FAM193A: variants seen among roughly 807,000 people sequenced by gnomAD.
FAM193A encodes the protein family with sequence similarity 193 member A, also known as protein FAM193A.
A neutral mutation model predicts 126.5 loss-of-function variants in FAM193A; 22 were observed. That is an observed-to-expected ratio of 0.17 (90% CI 0.12 to 0.25). FAM193A has a LOEUF of 0.25. Among genes scored for constraint, FAM193A ranks in the 10% least tolerant of loss-of-function variants. The pLI is 1.00. For synonymous variants in FAM193A, 761 were observed against 646.8 expected, an observed-to-expected ratio of 1.18 and a Z score of -2.68; for missense variants, 1,675 against 1,672.8, an observed-to-expected ratio of 1.00 and a Z score of -0.02.
chr4:2,643,486 T>G (rs1744841278), intron 6 of FAM193A, among the ~76,000 whole-genome samples: 1 of 152,212 alleles, frequency 6.6e-6, no homozygotes, highest in Non-Finnish European at 1.5e-5. Flanking sequence ...ATATTCATAG[T>G]GTTTATAACC....
rs747376264 is a variant in FAM193A at position 2,657,833 on chromosome 4, A to C, written c.1342A>C (p.Thr448Pro). ...MTMKTKQRMLTEDWELFKQRR... is the reference protein window; with the variant it reads ...MTMKTKQRMLPEDWELFKQRR... ...AATGAAAACCAAGCAGCGCATGTTA[A>C]CAGAAGACTGGGAGCTTTTTAAACA... Residue 448 changes from threonine to proline, a missense_variant, in exon 8 of 21, where the codon ACA (threonine) becomes CCA (proline). Coordinates refer to ENST00000637812, the MANE Select transcript of FAM193A (RefSeq NM_001366318.2). 7.4e-6 allele frequency: 12 copies of C among 1,613,018 alleles called. No individual in the cohort carries two copies. The highest frequency in any genetic ancestry group is 9.3e-6 in the Non-Finnish European group (11 of 1,179,650).
rs3208084 is a variant in FAM193A at position 2,693,667 on chromosome 4, C to T, written c.2885C>T (p.Ala962Val). The stretch of plus-strand genomic sequence containing the variant: ...CCGAGGAATAGCCCCACGGGCTTGG[C>T]CCCCCTCCCAGCGCTCTCGCCTGCT... ...AAPRNSPTGL[A>V]PLPALSPAAL... The change falls in exon 16 of 21, where the codon GCC becomes GTC. Residue 962 changes from alanine to valine, a missense_variant. Around this residue, in one of 4 missense-constraint regions of FAM193A, gnomAD observed 1,186 missense variants for 1,109.2 expected, o/e 1.07. Transcript: ENST00000637812. The T allele has an allele frequency of 6.2e-7, 1 of 1,614,146 alleles. No homozygotes were observed. The highest frequency in any genetic ancestry group is 2.2e-5 in the East Asian group (1 of 44,876).
intron 2 of FAM193A, among the ~76,000 whole-genome samples, chr4:2,596,935 G>A (rs1740898909): frequency 1.3e-5 from 2 of 152,192 alleles, no homozygotes. Context: ...CTGCTTGAAA[G>A]CGGCTAATTA....
chr4:2,710,122 TC>T (rs1327171980), intron 19 of FAM193A, among the ~76,000 whole-genome samples: 1 of 151,584 alleles, frequency 6.6e-6, no homozygotes, highest in Non-Finnish European at 1.5e-5. Flanking sequence ...TTTTTTAAAA[TC>T]ATCTGAGTTT....
At chr4:2,587,236 A>G (rs1740285916) in intron 1 of FAM193A, among the ~76,000 whole-genome samples, 3 of 152,308 alleles carry the variant, frequency 2.0e-5, no homozygotes, top group South Asian at 4.1e-4. Flanking sequence ...TCCAGATGAC[A>G]TGATGAGAGA....
intron 13 of FAM193A, among the ~76,000 whole-genome samples, chr4:2,680,946 C>G (rs1292784759): frequency 2.6e-5 from 4 of 152,130 alleles, no homozygotes; most frequent in African/African-American, 9.7e-5. Context: ...CGAGCCCAGC[C>G]AGTACTTTCT....
chr4:2,595,872 C>T (rs1740830080), intron 1 of FAM193A, among the ~76,000 whole-genome samples: 1 of 152,190 alleles, frequency 6.6e-6, no homozygotes, highest in East Asian at 1.9e-4. Context: ...AATTTTCTAA[C>T]TCGTACTAAG....
chr4:2,638,780 C>T (rs1744334220), intron 5 of FAM193A, among the ~76,000 whole-genome samples: 1 of 152,196 alleles, frequency 6.6e-6, no homozygotes, highest in South Asian at 2.1e-4. Flanking sequence ...TATTAGGTGA[C>T]ATAACAGTGA....
rs1205010838 is a variant in FAM193A at position 2,655,160 on chromosome 4, G to T, written c.1312-2643G>T. 6 of 680,770 alleles carry T rather than the reference G, an allele frequency of 8.8e-6. No homozygotes were observed. In the South Asian group the frequency reaches 9.5e-5, roughly 11 times the overall value. The allele number at this position is 680,770 out of a possible 1,614,324, so 42.2% of individuals were successfully genotyped here. On this transcript the variant is annotated intron_variant, in intron 7 of 20. Coordinates refer to ENST00000637812, the MANE Select transcript of FAM193A (RefSeq NM_001366318.2). ...TGTTTCACCATGAAGTTTGATGCTT[G>T]CCATACAGACTTTTGATACTTTCTA...
chr4:2,712,361 T>A (rs1312324918), intron 19 of FAM193A, among the ~76,000 whole-genome samples: 2 of 152,226 alleles, frequency 1.3e-5, no homozygotes, highest in Non-Finnish European at 2.9e-5. Flanking sequence ...TTCTTGCATC[T>A]CCTGTTTCCG....
At position 2,659,676 on chromosome 4, in the gene FAM193A, G is replaced by C. The variant is rs770927830; in HGVS notation, c.1502+6G>C. The C allele has an allele frequency of 6.2e-7, 1 of 1,613,534 alleles. No homozygotes were observed. Among genetic ancestry groups the C allele is most frequent in the Non-Finnish European group, 8.5e-7 (1 of 1,179,554 alleles). ...AACTGCAACTACAGGAGAAGGTAAG[G>C]CTGGGTTGTGGTGTCAGCACGACTG... On this transcript the variant is annotated splice_donor_region_variant and intron_variant, in intron 9 of 20. Transcript: ENST00000637812.
chr4:2,617,090 C>T (rs1342001241), intron 2 of FAM193A, among the ~76,000 whole-genome samples: 2 of 136,158 alleles, frequency 1.5e-5, no homozygotes, highest in South Asian at 2.5e-4. Flanking sequence ...ATTGCTTGAA[C>T]TCAGGAGGCG....
intron 13 of FAM193A, among the ~76,000 whole-genome samples, chr4:2,674,089 C>G (rs1287278779): frequency 6.6e-6 from 1 of 152,180 alleles, no homozygotes; most frequent in Non-Finnish European, 1.5e-5. Context: ...ATTTCTACCA[C>G]TTCAGCAAAC....
chr4:2,622,017 A>G (rs908304511), intron 2 of FAM193A, among the ~76,000 whole-genome samples: 12 of 152,034 alleles, frequency 7.9e-5, no homozygotes, highest in African/African-American at 2.9e-4. Flanking sequence ...CACTTTGGGA[A>G]ATGAAGGTGG....
rs1463514772 is a variant in FAM193A, at chr4:2,630,935, G to C, written c.804G>C (p.Arg268Ser). 6 of 1,556,762 alleles carry C rather than the reference G, an allele frequency of 3.9e-6. No individual in the cohort carries two copies. The East Asian group carries it at 1.1e-4, about 29-fold the overall frequency. ...CCTGGTGACCCTCTTCTCTGTGCAG[G>C]CTCTGCGAGAGGGACCCCTACCAGC... ...DKEGVKELVDRLCERDPYQLY... is the reference protein window; with the variant it reads ...DKEGVKELVDSLCERDPYQLY... Residue 268 changes from arginine to serine, a missense_variant and splice_region_variant, in exon 5 of 21, where the codon AGG becomes AGC. Arg to Ser is a moderately radical substitution (Grantham distance 110). This residue lies in a region of FAM193A where 1,186 missense variants were observed against 1,109.2 expected (regional missense o/e 1.07). Transcript: ENST00000637812.
chr4:2,571,650 C>G (rs776573234), intron 1 of FAM193A, among the ~76,000 whole-genome samples: 2 of 151,774 alleles, frequency 1.3e-5, no homozygotes, highest in Non-Finnish European at 2.9e-5. Context: ...AAGCGATTCT[C>G]TCACCTCAGC....
intron 2 of FAM193A, among the ~76,000 whole-genome samples, chr4:2,620,836 C>CAAAAAAAAAAAAAAAAAAAAAAAAAA (rs34305537): frequency 1.3e-4 from 9 of 69,094 alleles, no homozygotes; most frequent in African/African-American, 3.6e-4. Context: ...AACTCCGTCT[C>CAAAAAAAAAAAAAAAAAAAAAAAAAA]AAAAAAAAAA....
intron 3 of FAM193A, among the ~76,000 whole-genome samples, chr4:2,625,913 G>A (rs2108979002): frequency 6.6e-6 from 1 of 152,046 alleles, no homozygotes; most frequent in African/African-American, 2.4e-5. Flanking sequence ...TTATAGAGAT[G>A]GGGCTTCGCC....
chr4:2,625,366 A>G lies in FAM193A; in HGVS notation c.606A>G (p.Ala202=), dbSNP rs542111485. ...CACAGACGCTGCCTTCAGACACCGC[A>G]TGCTCGTGCGAGGCCTGCAGTGAGC... ...LGAQTLPSDT[A]CSCEACSERR... Residue 202 remains alanine, a synonymous_variant, in exon 3 of 21, where the codon GCA becomes GCG. Transcript: ENST00000637812. 1.4e-6 allele frequency: 1 copy of G among 702,832 alleles called. No individual in the cohort carries two copies. Among genetic ancestry groups the G allele is most frequent in the South Asian group, 1.5e-5 (1 of 67,592 alleles). The allele number at this position is 702,832 out of a possible 1,614,324, so 43.5% of individuals were successfully genotyped here. A position where few individuals can be genotyped will look rare whatever the true frequency, so the allele number is the denominator to read the frequency against.
Sources: allele counts gnomAD v4.1 joint callset (sites outside exome capture counted in the v4.1 genomes callset), GRCh38; gene constraint gnomAD v4.1.1; regional missense constraint gnomAD v4.1.1; transcripts MANE v1.5; gene names NCBI Gene and HGNC (gene_info 2026-07-23, HGNC 2026-07-21).